The following CRISP2 variants were observed in gnomAD, a reference collection of about 807,000 sequenced individuals.
The protein encoded by CRISP2 is cysteine rich secretory protein 2.
CRISP2 carries 29 observed loss-of-function variants against 31.7 expected under a neutral mutation model. The observed-to-expected ratio is 0.92, with a 90% CI of 0.68 to 1.25. The LOEUF is 1.25. Among genes scored for constraint, CRISP2 ranks in the 50% most tolerant of loss-of-function variants. CRISP2 has a pLI of 0.00. For synonymous variants in CRISP2, 111 were observed against 101.4 expected, an observed-to-expected ratio of 1.09 and a Z score of -0.57; for missense variants, 318 against 286.5, an observed-to-expected ratio of 1.11 and a Z score of -0.79.
chr6:49,676,925 T>C, the CRISP2 span, among the ~76,000 whole-genome samples: 3 of 152,058 alleles, frequency 2.0e-5, no homozygotes, highest in African/African-American at 4.8e-5. Flanking sequence ...AAAGAATAAA[T>C]TCAAAAGCAA....
At chr6:49,700,922 G>A (rs1360440560) in intron 4 of CRISP2, 138 bp from the exon 5 acceptor site, 1 of 517,764 alleles carries the variant, frequency 1.9e-6, no homozygotes, top group Non-Finnish European at 3.4e-6. Context: ...AAATACTAAA[G>A]TTATTTAAAT....
chr6:49,688,845 G>A (rs1763963905), downstream of CRISP2, among the ~76,000 whole-genome samples: 2 of 152,148 alleles, frequency 1.3e-5, no homozygotes, highest in African/African-American at 2.4e-5. Flanking sequence ...GTACACCCTA[G>A]ATTATGATTT....
chr6:49,704,619 G>C (rs766539568), intron 4 of CRISP2, among the ~76,000 whole-genome samples: 2 of 152,088 alleles, frequency 1.3e-5, no homozygotes, highest in South Asian at 2.1e-4. Context: ...ATTGCTCTTC[G>C]GGGTCTAGCG....
the CRISP2 span, among the ~76,000 whole-genome samples, chr6:49,682,631 C>CTTTCTTTCTT: frequency 1.1e-5 from 1 of 93,428 alleles, no homozygotes; most frequent in African/African-American, 4.8e-5. Context: ...TTCTTTCTTT[C>CTTTCTTTCTT]TTTCTTTCTT....
chr6:49,702,020 CAT>C (rs1475448601), intron 4 of CRISP2, among the ~76,000 whole-genome samples: 1 of 97,742 alleles, frequency 1.0e-5, no homozygotes, highest in Non-Finnish European at 1.9e-5. Flanking sequence ...TTAATGTATA[CAT>C]TATATATGTA....
chr6:49,680,146 T>G, the CRISP2 span, among the ~76,000 whole-genome samples: 1 of 152,194 alleles, frequency 6.6e-6, no homozygotes, highest in Non-Finnish European at 1.5e-5. Context: ...ATCCTCTCCC[T>G]CCTGCATCCT....
At chr6:49,701,110 C>T (rs143647274) in intron 4 of CRISP2, among the ~76,000 whole-genome samples, 1 of 151,934 alleles carries the variant, frequency 6.6e-6, no homozygotes, top group Non-Finnish European at 1.5e-5. Context: ...GCCACAAATG[C>T]CGATTTCTGG....
chr6:49,693,077 C>T (rs1428466268), intron 9 of CRISP2, among the ~76,000 whole-genome samples, 177 bp from the exon 10 acceptor site: 1 of 152,108 alleles, frequency 6.6e-6, no homozygotes, highest in African/African-American at 2.4e-5. Flanking sequence ...ATATGTGCCA[C>T]ATTTTCTTAA....
At position 49,695,764 on chromosome 6, in the gene CRISP2, G is replaced by GT. The variant is rs2127390411; in HGVS notation, c.604+71dup. ...TTCAATTCATTACGTTAGGAGATTT[G>GT]TTAAATTATATAAAGAAAAGATAAT... On this transcript the variant is annotated intron_variant, in intron 9 of 9. Transcript: ENST00000339139. 3 of 1,189,928 alleles carry GT rather than the reference G, an allele frequency of 2.5e-6. No individual in the cohort carries two copies. In the East Asian group the frequency reaches 7.9e-5, roughly 31 times the overall value. The allele number at this position is 1,189,928 out of a possible 1,614,324, so 73.7% of individuals were successfully genotyped here.
chr6:49,694,337 G>A (rs1764376894), intron 9 of CRISP2, among the ~76,000 whole-genome samples: 1 of 152,180 alleles, frequency 6.6e-6, no homozygotes, highest in South Asian at 2.1e-4. Context: ...TTCATTTGGG[G>A]TCTGAGGCCA....
intron 9 of CRISP2, among the ~76,000 whole-genome samples, chr6:49,693,901 A>G (rs1180227905): frequency 6.6e-6 from 1 of 152,148 alleles, no homozygotes; most frequent in Non-Finnish European, 1.5e-5. Flanking sequence ...TGTACCCTAA[A>G]GATTACACAT....
chr6:49,709,425 C>A (rs1389198942), intron 3 of CRISP2, among the ~76,000 whole-genome samples: 1 of 152,182 alleles, frequency 6.6e-6, no homozygotes, highest in Non-Finnish European at 1.5e-5. Flanking sequence ...CTGAAGAACT[C>A]TACTGATGCC....
intron 9 of CRISP2, 84 bp downstream of exon 9, chr6:49,695,752 G>T (rs2248263): frequency 2.7e-6 from 3 of 1,092,856 alleles, no homozygotes; most frequent in Non-Finnish European, 3.9e-6. Context: ...AATTCATTAC[G>T]TTAGGAGATT....
downstream of CRISP2, among the ~76,000 whole-genome samples, chr6:49,687,457 A>G (rs906647213): frequency 2.0e-5 from 3 of 152,188 alleles, no homozygotes; most frequent in East Asian, 5.8e-4. Context: ...GTCCTTTGAC[A>G]TCACTGGAAG....
In CRISP2 at chr6:49,694,444, G is replaced by T. The variant is rs183520594; in HGVS notation, c.604+1392C>A. Reference sequence around the variant, plus strand: ...GTGGGTCTAGAGGCCCACCAATCTGGATACCAATCTGCATACCAATCTGGA... The same window carrying T: ...GTGGGTCTAGAGGCCCACCAATCTGTATACCAATCTGCATACCAATCTGGA... On this transcript the variant is annotated intron_variant, in intron 9 of 9. Transcript: ENST00000339139. Among the ~76,000 whole-genome samples, 300 of 152,238 alleles carry T rather than the reference G, an allele frequency of 2.0e-3. 1 individual carries two copies. The highest frequency in any genetic ancestry group is 6.8e-3 in the Middle Eastern group (2 of 294).
intron 4 of CRISP2, among the ~76,000 whole-genome samples, chr6:49,707,200 C>T (rs554345865): frequency 1.3e-5 from 2 of 152,234 alleles, no homozygotes; most frequent in Admixed American, 6.5e-5. Flanking sequence ...AATATGGTAT[C>T]TATCCTTAAA....
downstream of CRISP2, among the ~76,000 whole-genome samples, chr6:49,690,773 A>G (rs1028532067): frequency 1.3e-5 from 2 of 152,086 alleles, no homozygotes; most frequent in African/African-American, 2.4e-5. Context: ...TTAAATAACT[A>G]TACAGTATCT....
intron 3 of CRISP2, among the ~76,000 whole-genome samples, chr6:49,711,059 C>T (rs1029884130): frequency 7.2e-5 from 11 of 152,064 alleles, no homozygotes; most frequent in Non-Finnish European, 1.3e-4. Context: ...GTGGGATGAT[C>T]ATTTGAGCCT....
At chr6:49,685,981 C>T in the CRISP2 span, among the ~76,000 whole-genome samples, 77 of 152,266 alleles carry the variant, frequency 5.1e-4, 1 homozygote, top group Non-Finnish European at 9.4e-4. Context: ...ATCCTCCAAC[C>T]AGCCCACCCC....
Sources: allele counts gnomAD v4.1 joint callset (sites outside exome capture counted in the v4.1 genomes callset), GRCh38; gene constraint gnomAD v4.1.1; transcripts MANE v1.5; gene names NCBI Gene and HGNC (gene_info 2026-07-23, HGNC 2026-07-21).